Variants in ERBB4 observed in about 807,000 individuals in gnomAD.
The protein encoded by ERBB4 is erb-b2 receptor tyrosine kinase 4.
Under a neutral mutation model 158.0 loss-of-function variants are expected in ERBB4, and 42 were observed. The ratio of observed to expected loss-of-function variants is 0.27; its 90% CI spans 0.21 to 0.34. The LOEUF (loss-of-function observed/expected upper bound fraction) is 0.34, where lower values mean the gene tolerates loss of function less well. ERBB4 is among the 10% of genes least tolerant of loss of function. ERBB4 has a pLI of 1.00. For missense variants in ERBB4, 1,333 were observed against 1,624.1 expected, an observed-to-expected ratio of 0.82 and a Z score of 3.08; for synonymous variants, 583 against 558.7, an observed-to-expected ratio of 1.04 and a Z score of -0.61.
At chr2:212,519,533 A>C (rs575261657) in intron 1 of ERBB4, among the ~76,000 whole-genome samples, 2 of 151,782 alleles carry the variant, frequency 1.3e-5, no homozygotes, top group African/African-American at 2.4e-5. Context: ...ACACCAGGGC[A>C]TATCAGGGGG....
chr2:211,812,179 C>T (rs2076772070), intron 3 of ERBB4, among the ~76,000 whole-genome samples: 1 of 152,152 alleles, frequency 6.6e-6, no homozygotes, highest in Admixed American at 6.6e-5. Flanking sequence ...TACCTTTGGT[C>T]TTTGATGATG....
At chr2:211,548,443 A>G (rs760048908) in intron 20 of ERBB4, among the ~76,000 whole-genome samples, 2 of 152,162 alleles carry the variant, frequency 1.3e-5, no homozygotes, top group African/African-American at 2.4e-5. Flanking sequence ...GAAAAAATTC[A>G]TAAGCTCATT....
rs114751611 is a variant in ERBB4, at chr2:211,863,933, C to T, written c.422-75774G>A. 4.4e-3 allele frequency among the ~76,000 whole-genome samples: 670 copies of T among 152,230 alleles called. 4 individuals are homozygous for T. The highest frequency in any genetic ancestry group is 0.015 in the African/African-American group (625 of 41,552). Reference sequence around the variant, plus strand: ...TCTTTTCTTTCCTCCTTTTTCTTGACCCTCTGCTTCATAGAGAGGGCTTGG... The same window carrying T: ...TCTTTTCTTTCCTCCTTTTTCTTGATCCTCTGCTTCATAGAGAGGGCTTGG... On this transcript the variant is annotated intron_variant, in intron 3 of 27. Coordinates refer to ENST00000342788, the MANE Select transcript of ERBB4 (RefSeq NM_005235.3).
At position 211,839,657 on chromosome 2, in the gene ERBB4, C is replaced by A. The variant is rs922597920; in HGVS notation, c.422-51498G>T. Among the ~76,000 whole-genome samples, 18 of 152,186 alleles carry A rather than the reference C, an allele frequency of 1.2e-4. No individual in the cohort carries two copies. In the South Asian group the frequency reaches 3.7e-3, roughly 32 times the overall value. The stretch of plus-strand genomic sequence containing the variant: ...GACATAAATATTCTATAATCCAAAT[C>A]TCTTTGTAAATATATGGTATTGGTA... On this transcript the variant is annotated intron_variant, in intron 3 of 27. Transcript: ENST00000342788.
chr2:212,021,065 A>G (rs1253818174), intron 2 of ERBB4, among the ~76,000 whole-genome samples: 2 of 152,282 alleles, frequency 1.3e-5, no homozygotes, highest in South Asian at 4.1e-4. Context: ...TATGCTCACC[A>G]TGATTATATA....
chr2:212,362,587 A>G (rs2089728937), intron 1 of ERBB4, among the ~76,000 whole-genome samples: 1 of 150,898 alleles, frequency 6.6e-6, no homozygotes. Flanking sequence ...ATGAGATCCA[A>G]AGAATGCTAT....
At chr2:211,684,997 T>C (rs1332957540) in intron 12 of ERBB4, among the ~76,000 whole-genome samples, 3 of 152,226 alleles carry the variant, frequency 2.0e-5, no homozygotes, top group East Asian at 3.8e-4. Flanking sequence ...AATATTTGTA[T>C]ATTACTGTAC....
At chr2:212,337,128 A>G (rs1279300684) in intron 1 of ERBB4, among the ~76,000 whole-genome samples, 1 of 151,946 alleles carries the variant, frequency 6.6e-6, no homozygotes, top group Non-Finnish European at 1.5e-5. Context: ...ATTTGCTTAG[A>G]TTTCTATTTT....
intron 1 of ERBB4, among the ~76,000 whole-genome samples, chr2:212,279,349 A>C (rs932442253): frequency 2.0e-5 from 3 of 151,588 alleles, no homozygotes; most frequent in Non-Finnish European, 3.0e-5. Context: ...ATGAAAATTT[A>C]AAACTTCATA....
chr2:211,719,147 C>T (rs1454643513), intron 7 of ERBB4, among the ~76,000 whole-genome samples: 1 of 152,172 alleles, frequency 6.6e-6, no homozygotes, highest in Non-Finnish European at 1.5e-5. Context: ...GCCCATAACA[C>T]ATTTTCATCA....
chr2:211,665,669 A>G (rs2071604816), intron 14 of ERBB4, among the ~76,000 whole-genome samples, 192 bp from the exon 15 acceptor site: 1 of 152,214 alleles, frequency 6.6e-6, no homozygotes, highest in South Asian at 2.1e-4. Context: ...AGATCCATCA[A>G]GTTCAGTTTT....
At chr2:212,413,939 T>C (rs2091577179) in intron 1 of ERBB4, among the ~76,000 whole-genome samples, 1 of 152,170 alleles carries the variant, frequency 6.6e-6, no homozygotes, top group South Asian at 2.1e-4. Context: ...TATATTTACT[T>C]AATCTTCAGA....
intron 4 of ERBB4, 80 bp from the exon 5 acceptor site, chr2:211,750,784 A>T: frequency 2.5e-6 from 3 of 1,201,026 alleles, no homozygotes; most frequent in Non-Finnish European, 3.7e-6. Context: ...CTCAAAGGAA[A>T]TACTCCTGCT....
chr2:211,581,048 T>C (rs2068088705), intron 19 of ERBB4, among the ~76,000 whole-genome samples: 1 of 150,886 alleles, frequency 6.6e-6, no homozygotes, highest in South Asian at 2.1e-4. Flanking sequence ...TTCTCACTCA[T>C]ATGTGGAACC....
intron 9 of ERBB4, among the ~76,000 whole-genome samples, chr2:211,705,880 C>T (rs1302618937): frequency 6.6e-6 from 1 of 152,046 alleles, no homozygotes; most frequent in Non-Finnish European, 1.5e-5. Context: ...TTCTGTAGCT[C>T]TACATTTATC....
chr2:211,791,924 C>G (rs1257472758), intron 3 of ERBB4, among the ~76,000 whole-genome samples: 2 of 151,642 alleles, frequency 1.3e-5, no homozygotes, highest in Non-Finnish European at 3.0e-5. Flanking sequence ...GTAATCTACA[C>G]TATTTTCCAA....
intron 1 of ERBB4, among the ~76,000 whole-genome samples, chr2:212,241,678 A>G (rs1276144416): frequency 6.6e-6 from 1 of 152,138 alleles, no homozygotes; most frequent in Non-Finnish European, 1.5e-5. Flanking sequence ...TTGCGACCAT[A>G]TCTTTTAGTT....
At chr2:211,992,369 T>C (rs1293748152) in intron 2 of ERBB4, among the ~76,000 whole-genome samples, 13 of 152,050 alleles carry the variant, frequency 8.5e-5, no homozygotes. Flanking sequence ...ATGAGACTTA[T>C]TCACTGTCAC....
At chr2:211,690,574 C>T (rs1310967447) in intron 12 of ERBB4, among the ~76,000 whole-genome samples, 1 of 152,166 alleles carries the variant, frequency 6.6e-6, no homozygotes, top group Non-Finnish European at 1.5e-5. Flanking sequence ...ATTTTCTTCT[C>T]ATTCTTTCCA....
Sources: allele counts gnomAD v4.1 joint callset (sites outside exome capture counted in the v4.1 genomes callset), GRCh38; gene constraint gnomAD v4.1.1; transcripts MANE v1.5; gene names NCBI Gene and HGNC (gene_info 2026-07-23, HGNC 2026-07-21).